The following SLC1A4 variants were observed in gnomAD, a reference collection of about 807,000 sequenced individuals.
The protein encoded by SLC1A4 is neutral amino acid transporter A.
In SLC1A4, 19 loss-of-function variants were observed where a neutral mutation model predicts 37.7. That is an observed-to-expected ratio of 0.50 (90% CI 0.35 to 0.74). SLC1A4 has a LOEUF of 0.74. Ranked by LOEUF, SLC1A4 falls within the 30% of genes least tolerant of loss-of-function variation. The probability of loss-of-function intolerance (pLI) is 0.01; values close to 1 mark genes in which losing one functional copy is unlikely to be tolerated. For missense variants in SLC1A4, 570 were observed against 712.9 expected (o/e 0.80, Z 2.28); for synonymous variants, 299 against 309.8 (o/e 0.97, Z 0.37).
chr2:65,014,340 C>G (rs1164487148), intron 4 of SLC1A4, among the ~76,000 whole-genome samples: 1 of 152,088 alleles, frequency 6.6e-6, no homozygotes, highest in Admixed American at 6.5e-5. Flanking sequence ...ACCTGAATTA[C>G]CAGTAAACAT....
intron 1 of SLC1A4, among the ~76,000 whole-genome samples, chr2:64,993,362 G>A (rs1211397703): frequency 1.3e-5 from 2 of 152,200 alleles, no homozygotes; most frequent in African/African-American, 2.4e-5. Context: ...TTCATTACAT[G>A]TGTATATGTT....
Position 65,018,199 on chromosome 2 carries a change from T to C in SLC1A4, c.1163T>C (p.Val388Ala), listed in dbSNP as rs1449792334. The change falls in exon 6 of 8, where the codon GTG becomes GCG. Residue 388 changes from valine (V) to alanine (A), a missense_variant. Val to Ala is a moderately conservative substitution (Grantham distance 64, BLOSUM62 0). Transcript: ENST00000234256. This position sits in a 1 kb window ranked among gnomAD's most constrained non-coding sequence, Gnocchi z 4.3. ...NMDGAAIFQC[V>A]AAVFIAQLNN... The stretch of plus-strand genomic sequence containing the variant: ...GACGGAGCAGCCATCTTCCAGTGTG[T>C]GGCCGCGGTGTTCATTGCGCAACTC... 2 of 1,614,030 alleles carry C rather than the reference T, an allele frequency of 1.2e-6. No individual in the cohort carries two copies. Among genetic ancestry groups the C allele is most frequent in the African/African-American group, 1.3e-5 (1 of 74,904 alleles).
intron 2 of SLC1A4, 146 bp from the exon 3 acceptor site, chr2:65,003,807 T>C (rs2103651269): frequency 1.6e-6 from 1 of 620,996 alleles, no homozygotes; most frequent in Non-Finnish European, 2.9e-6. Flanking sequence ...TCAGAGGCTT[T>C]TGTCAGGCCA....
rs17029731 is a variant in SLC1A4, at chr2:65,003,652, A to G, written c.571-301A>G. On this transcript the variant is annotated intron_variant, in intron 2 of 7. Transcript: ENST00000234256. ...AAGGCTGAGGAAATATCAAATTATC[A>G]GCATAAAATTGTGCAGCCGTCCTTC... Among the ~76,000 whole-genome samples the G allele has an allele frequency of 3.2e-3, 490 of 152,386 alleles. 3 individuals are homozygous for G. The highest frequency in any genetic ancestry group is 0.011 in the African/African-American group (465 of 41,590).
intron 5 of SLC1A4, 114 bp from the exon 6 acceptor site, chr2:65,017,957 A>T: frequency 1.2e-6 from 1 of 847,084 alleles, no homozygotes. Flanking sequence ...TCAAGAGAAG[A>T]AAGCCAGAAA....
In SLC1A4 at chr2:64,989,789, T is replaced by C. The variant is rs1400351683; in HGVS notation, c.146T>C (p.Val49Ala). 2 of 1,510,648 alleles carry C rather than the reference T, an allele frequency of 1.3e-6. No homozygotes were observed. The highest frequency in any genetic ancestry group is 1.8e-6 in the Non-Finnish European group (2 of 1,133,486). The allele number at this position is 1,510,648 out of a possible 1,614,324, so 93.6% of individuals were successfully genotyped here. A position where few individuals can be genotyped will look rare whatever the true frequency, so the allele number is the denominator to read the frequency against. The change falls in exon 1 of 8, where the codon GTG (valine) becomes GCG (alanine). Residue 49 changes from valine (V) to alanine (A), a missense_variant. Val to Ala is a moderately conservative substitution (Grantham distance 64, BLOSUM62 0). Transcript: ENST00000234256. The stretch of plus-strand genomic sequence containing the variant: ...CGCCAAGCGCTGGTGCTGCTCACCG[T>C]GTCCGGGGTGCTGGCGGGCGCGGGC... ...LRRQALVLLTVSGVLAGAGLG... is the reference protein window; with the variant it reads ...LRRQALVLLTASGVLAGAGLG...
chr2:64,990,198 C>T, intron 1 of SLC1A4, 28 bp downstream of exon 1: 1 of 1,541,850 alleles, frequency 6.5e-7, no homozygotes, highest in Middle Eastern at 1.7e-4. Flanking sequence ...TCCCAGGGCC[C>T]AGTGGGAGAC....
chr2:65,006,608 T>C (rs1208612738), intron 3 of SLC1A4, among the ~76,000 whole-genome samples: 1 of 151,976 alleles, frequency 6.6e-6, no homozygotes, highest in Non-Finnish European at 1.5e-5. Flanking sequence ...GGTGTGGGCC[T>C]TGTCCCCAAG....
chr2:65,008,193 C>T (rs1673762705), intron 3 of SLC1A4, among the ~76,000 whole-genome samples: 1 of 152,216 alleles, frequency 6.6e-6, no homozygotes, highest in Non-Finnish European at 1.5e-5. Flanking sequence ...CCAAGGTCAT[C>T]ACCAGTTGTT....
chr2:65,001,772 T>G (rs1295500575), intron 2 of SLC1A4, among the ~76,000 whole-genome samples: 1 of 152,206 alleles, frequency 6.6e-6, no homozygotes, highest in Admixed American at 6.5e-5. Context: ...TTTGGGGATG[T>G]CTTAAATATT....
chr2:64,993,791 G>A (rs897945401), intron 1 of SLC1A4, among the ~76,000 whole-genome samples: 2 of 152,164 alleles, frequency 1.3e-5, no homozygotes, highest in Non-Finnish European at 2.9e-5. Flanking sequence ...GAATCATGAT[G>A]GTACCCACCT....
Position 65,021,641 on chromosome 2 carries a change from G to C in SLC1A4, c.*495G>C, listed in dbSNP as rs1465098675. 1 of 161,038 alleles carries C rather than the reference G, an allele frequency of 6.2e-6. No homozygotes were observed. Among genetic ancestry groups the C allele is most frequent in the Non-Finnish European group, 1.4e-5 (1 of 73,512 alleles). The allele number at this position is 161,038 out of a possible 1,614,324, so 10.0% of individuals were successfully genotyped here. On this transcript the variant is annotated 3_prime_UTR_variant, in exon 8 of 8. Coordinates refer to ENST00000234256, the MANE Select transcript of SLC1A4 (RefSeq NM_003038.5). Reference sequence around the variant, plus strand: ...CTGGCCTTTGCTGAGCTGGGACTCAGGTGTTTAAAGAGTTTGTGCTATAGC... The same window carrying C: ...CTGGCCTTTGCTGAGCTGGGACTCACGTGTTTAAAGAGTTTGTGCTATAGC...
Position 64,990,178 on chromosome 2 carries a change from T to C in SLC1A4, c.527+8T>C. ...TTTCCTCGACCTGGCCAGGTAACAC[T>C]CTCCACCTCTCCCAGGGCCCAGTGG... is the stretch of plus-strand genomic sequence containing the variant. On this transcript the variant is annotated splice_region_variant and intron_variant, in intron 1 of 7. Coordinates refer to ENST00000234256, the MANE Select transcript of SLC1A4 (RefSeq NM_003038.5). 6.3e-7 allele frequency: 1 copy of C among 1,583,024 alleles called. No individual in the cohort carries two copies. Among genetic ancestry groups the C allele is most frequent in the Non-Finnish European group, 8.6e-7 (1 of 1,162,714 alleles).
At chr2:65,004,133 C>A in intron 3 of SLC1A4, 118 bp downstream of exon 3, 4 of 796,466 alleles carry the variant, frequency 5.0e-6, no homozygotes, top group Non-Finnish European at 4.2e-6. Flanking sequence ...GCTATTGGAG[C>A]GAACAGGTTA....
intron 4 of SLC1A4, among the ~76,000 whole-genome samples, chr2:65,014,044 A>G (rs1467933078): frequency 2.0e-5 from 3 of 152,216 alleles, no homozygotes; most frequent in African/African-American, 7.2e-5. Flanking sequence ...AAGGAAAGAA[A>G]GAGAGGAGTC....
In SLC1A4 at chr2:64,989,722, A is replaced by G. The variant is rs1672968165; in HGVS notation, c.79A>G (p.Thr27Ala). The change falls in exon 1 of 8, where the codon ACC becomes GCC. Residue 27 changes from threonine (T) to alanine (A), a missense_variant. Transcript: ENST00000234256. ...GPAAGPGAPG[T>A]AAGRARRCAG... ...TGCGGCCGGGCCCGGAGCTCCGGGG[A>G]CCGCGGCGGGACGCGCACGGCGTTG... is the stretch of plus-strand genomic sequence containing the variant. The G allele has an allele frequency of 2.7e-6, 4 of 1,489,316 alleles. No homozygotes were observed. Among genetic ancestry groups the G allele is most frequent in the African/African-American group, 2.9e-5 (2 of 68,044 alleles). The allele number at this position is 1,489,316 out of a possible 1,614,324, so 92.3% of individuals were successfully genotyped here. A position where few individuals can be genotyped will look rare whatever the true frequency, so the allele number is the denominator to read the frequency against.
Position 65,003,380 on chromosome 2 carries a change from G to A in SLC1A4, c.571-573G>A, listed in dbSNP as rs183881869. ...ACCAGGGGACCAAAGCTAGAAAGAC[G>A]TCTCACTTCTGATAACTGAGTCCCC... On this transcript the variant is annotated intron_variant, in intron 2 of 7. Transcript: ENST00000234256. Among the ~76,000 whole-genome samples, 7 of 152,276 alleles carry A rather than the reference G, an allele frequency of 4.6e-5. No homozygotes were observed. In the East Asian group the frequency reaches 7.7e-4, roughly 17 times the overall value.
chr2:64,998,538 G>A (rs1358395317), intron 1 of SLC1A4, among the ~76,000 whole-genome samples: 1 of 152,108 alleles, frequency 6.6e-6, no homozygotes. Context: ...ATTTTTGGGG[G>A]GCAGAAGTTG....
At chr2:65,019,304 C>T (rs980531633) in intron 7 of SLC1A4, among the ~76,000 whole-genome samples, 5 of 152,116 alleles carry the variant, frequency 3.3e-5, no homozygotes, top group African/African-American at 4.8e-5. Flanking sequence ...AAAGTTGAGA[C>T]AGTAGAGCCT....
Sources: gnomAD v4.1 joint callset for allele counts (sites outside exome capture counted in the v4.1 genomes callset) on GRCh38, gnomAD v4.1.1 for gene constraint, Gnocchi (gnomAD v3.1) non-coding constraint, MANE v1.5 for transcripts, NCBI Gene and HGNC (gene_info 2026-07-23, HGNC 2026-07-21) for gene names.